The following AGRN variants were observed in gnomAD, a reference collection of about 807,000 sequenced individuals.
The protein encoded by AGRN is agrin proteoglycan.
AGRN carries 106 observed loss-of-function variants against 211.0 expected under a neutral mutation model. That is an observed-to-expected ratio of 0.50 (90% confidence interval 0.43 to 0.59). The LOEUF is 0.59. Ranked by LOEUF, AGRN falls within the 20% of genes least tolerant of loss-of-function variation. The pLI, the probability that AGRN is intolerant of heterozygous loss-of-function variation, is 0.00. For missense variants in AGRN, 3,040 were observed against 2,982.6 expected (o/e 1.02, Z -0.45); for synonymous variants, 1,525 against 1,332.5 (o/e 1.14, Z -3.15).
Position 1,046,187 on chromosome 1 carries a change from G to A in AGRN, c.2833G>A (p.Gly945Ser), listed in dbSNP as rs911274904. 3 of 1,613,686 alleles carry A rather than the reference G, an allele frequency of 1.9e-6. No individual in the cohort carries two copies. The highest frequency in any genetic ancestry group is 1.7e-6 in the Non-Finnish European group (2 of 1,180,002). ...KVCGSDGVTYGNECQLKTIAC... is the reference protein window; with the variant it reads ...KVCGSDGVTYSNECQLKTIAC... ...CTGTGGGTCAGATGGAGTCACATAC[G>A]GCAACGAGTGTCAGCTGAAGACCAT... is the stretch of plus-strand genomic sequence containing the variant. Residue 945 changes from glycine to serine, a missense_variant, in exon 17 of 36, where the codon GGC becomes AGC. Around this residue, in one of 3 missense-constraint regions of AGRN, gnomAD observed 1,498 missense variants for 1,457.8 expected, o/e 1.03. Transcript: ENST00000379370.
chr1:1,032,934 C>G lies in AGRN; in HGVS notation c.464-2343C>G. On this transcript the variant is annotated intron_variant, in intron 2 of 35. Coordinates refer to ENST00000379370, the MANE Select transcript of AGRN (RefSeq NM_198576.4). The surrounding 1 kb of genome is among the most constrained non-coding windows in gnomAD (Gnocchi z 4.7). ...CACACACCGGACCGGACGGGCCCCT[C>G]CCTTACCCCCGGATCCCCCGGCTGG... 6.6e-6 allele frequency among the ~76,000 whole-genome samples: 1 copy of G among 152,044 alleles called. No individual in the cohort carries two copies. Among genetic ancestry groups the G allele is most frequent in the East Asian group, 1.9e-4 (1 of 5,164 alleles).
At chr1:1,034,004 C>T (rs1644738200) in intron 2 of AGRN, 2 of 573,634 alleles carry the variant, frequency 3.5e-6, no homozygotes, top group African/African-American at 4.1e-5. Context: ...CTCACCTCCC[C>T]AGCCCCGCGG....
Position 1,032,337 on chromosome 1 carries a change from C to T in AGRN, c.464-2940C>T, listed in dbSNP as rs1433760622. On this transcript the variant is annotated intron_variant, in intron 2 of 35. Transcript: ENST00000379370. This position sits in a 1 kb window ranked among gnomAD's most constrained non-coding sequence, Gnocchi z 4.7. ...CTGGCTGTGGGGTGGAAAGGAGTCC[C>T]AAGAGAGGGAGCTGGCAAGACAGGA... Among the ~76,000 whole-genome samples, 1 of 152,090 alleles carries T rather than the reference C, an allele frequency of 6.6e-6. No individual in the cohort carries two copies. The highest frequency in any genetic ancestry group is 1.5e-5 in the Non-Finnish European group (1 of 68,014).
chr1:1,025,665 G>C (rs942201389), intron 2 of AGRN, among the ~76,000 whole-genome samples: 2 of 152,004 alleles, frequency 1.3e-5, no homozygotes, highest in African/African-American at 4.8e-5. Context: ...CCTCCCCCAG[G>C]CAGGTCTGGG....
chr1:1,034,045 C>T lies in AGRN; in HGVS notation c.464-1232C>T, dbSNP rs946747952. 8.0e-6 allele frequency: 7 copies of T among 874,900 alleles called. No individual in the cohort carries two copies. The South Asian group carries it at 3.1e-4, about 39-fold the overall frequency. The allele number at this position is 874,900 out of a possible 1,614,324, so 54.2% of individuals were successfully genotyped here. A position where few individuals can be genotyped will look rare whatever the true frequency, so the allele number is the denominator to read the frequency against. Reference sequence around the variant, plus strand: ...AGGGGAGCTGGAGGGAGCCCGGGACCCGGCGCGGCCTCCGCAGGCGGCGCT... The same window carrying T: ...AGGGGAGCTGGAGGGAGCCCGGGACTCGGCGCGGCCTCCGCAGGCGGCGCT... On this transcript the variant is annotated intron_variant, in intron 2 of 35. Transcript: ENST00000379370.
chr1:1,054,833 C>A lies in AGRN; in HGVS notation c.5990C>A (p.Pro1997Gln). The change falls in exon 36 of 36, where the codon CCG becomes CAG. Residue 1997 changes from proline (P) to glutamine (Q), a missense_variant. By Grantham distance (76) the Pro-to-Gln change is moderately conservative. Around this residue, in one of 3 missense-constraint regions of AGRN, gnomAD observed 1,537 missense variants for 1,505.0 expected, o/e 1.02. Coordinates refer to ENST00000379370, the MANE Select transcript of AGRN (RefSeq NM_198576.4). ...ACTGTCTGTGCTGCAGGGGGCCTGC[C>A]GGAGCTGCCCGTGGGCCCAGCACTG... ...TDGALWLGGL[P>Q]ELPVGPALPK... 1 of 1,557,850 alleles carries A rather than the reference C, an allele frequency of 6.4e-7. No individual in the cohort carries two copies. Among genetic ancestry groups the A allele is most frequent in the Non-Finnish European group, 8.7e-7 (1 of 1,153,116 alleles).
chr1:1,034,131 C>T, intron 2 of AGRN: 1 of 985,334 alleles, frequency 1.0e-6, no homozygotes, highest in Non-Finnish European at 1.2e-6. Context: ...CCGCTTCCGC[C>T]TCTGCCGGGG....
chr1:1,049,509 C>A (rs562648258), intron 25 of AGRN, 57 bp from the exon 26 acceptor site: 3 of 1,596,008 alleles, frequency 1.9e-6, no homozygotes, highest in Non-Finnish European at 1.7e-6. Flanking sequence ...TCCCGGTGTA[C>A]GAGGTGGCTT....
intron 1 of AGRN, among the ~76,000 whole-genome samples, chr1:1,021,736 G>A (rs1344646986): frequency 6.6e-6 from 1 of 152,238 alleles, no homozygotes; most frequent in Non-Finnish European, 1.5e-5. Flanking sequence ...GACTGTAGAA[G>A]CCCGAGGAAG....
Position 1,040,732 on chromosome 1 carries a change from G to A in AGRN, c.579G>A (p.Ala193=), listed in dbSNP as rs201301445. 5.8e-4 allele frequency: 904 copies of A among 1,545,884 alleles called. 7 individuals carry two copies. The African/African-American group carries it at 0.011, about 20-fold the overall frequency. Residue 193 remains alanine, a synonymous_variant, in exon 4 of 36, where the codon GCG becomes GCA. Coordinates refer to ENST00000379370, the MANE Select transcript of AGRN (RefSeq NM_198576.4). ...CCAACGCGGAGGGGCCGGGCCGGGC[G>A]TCCTGCGTCTGCAAGAAGAGCCCGT... ...CEPNAEGPGR[A]SCVCKKSPCP...
chr1:1,043,694 A>G lies in AGRN; in HGVS notation c.1760A>G (p.His587Arg). 1.9e-6 allele frequency: 3 copies of G among 1,600,714 alleles called. No homozygotes were observed. Among genetic ancestry groups the G allele is most frequent in the Non-Finnish European group, 2.5e-6 (3 of 1,179,760 alleles). Residue 587 changes from histidine (H) to arginine (R), a missense_variant, in exon 9 of 36, where the codon CAC (histidine) becomes CGC (arginine). Coordinates refer to ENST00000379370, the MANE Select transcript of AGRN (RefSeq NM_198576.4). ...ATGCTGCACGTGCACGCCTGCACAC[A>G]CCAGATCAGCCTGCACGTGGCCTCA... ...ECMLHVHACT[H>R]QISLHVASAG...
At chr1:1,029,629 A>ATATG (rs1491162381) in intron 2 of AGRN, among the ~76,000 whole-genome samples, 1 of 87,960 alleles carries the variant, frequency 1.1e-5, no homozygotes, top group African/African-American at 5.4e-5. Context: ...TGAGATCAGC[A>ATATG]TGTGTGTGTG....
At chr1:1,040,008 A>C (rs1360087186) in intron 3 of AGRN, among the ~76,000 whole-genome samples, 1 of 152,090 alleles carries the variant, frequency 6.6e-6, no homozygotes, top group Non-Finnish European at 1.5e-5. Context: ...AAGATTCCCC[A>C]CCCATCTTAG....
intron 3 of AGRN, among the ~76,000 whole-genome samples, chr1:1,037,331 C>A (rs756906981): frequency 6.6e-6 from 1 of 152,180 alleles, no homozygotes; most frequent in Non-Finnish European, 1.5e-5. Flanking sequence ...TTACACACTG[C>A]CCCCTTCACC....
At chr1:1,028,678 C>T (rs1644578858) in intron 2 of AGRN, among the ~76,000 whole-genome samples, 1 of 73,812 alleles carries the variant, frequency 1.4e-5, no homozygotes, top group East Asian at 3.5e-4. Flanking sequence ...CCCACAGCCA[C>T]GCCACCCTCT....
At position 1,041,466 on chromosome 1, in the gene AGRN, C is replaced by T. The variant is rs1557700947; in HGVS notation, c.953-12C>T. On this transcript the variant is annotated splice_polypyrimidine_tract_variant and intron_variant, in intron 5 of 35. Transcript: ENST00000379370. The stretch of plus-strand genomic sequence containing the variant: ...CGGCGACAGCGTCCTGACTCCTGCC[C>T]TCGACCCCCAGACCCCTGTCAGGGC... 1.3e-6 allele frequency: 2 copies of T among 1,584,436 alleles called. No individual in the cohort carries two copies. Among genetic ancestry groups the T allele is most frequent in the South Asian group, 1.1e-5 (1 of 89,096 alleles).
At position 1,045,244 on chromosome 1, in the gene AGRN, G is replaced by T. The variant is rs540467706; in HGVS notation, c.2338G>T (p.Ala780Ser). The change falls in exon 13 of 36, where the codon GCA (alanine) becomes TCA (serine). Residue 780 changes from alanine to serine, a missense_variant. Ala to Ser is a moderately conservative substitution (Grantham distance 99, BLOSUM62 1). This residue lies in a region of AGRN where 1,498 missense variants were observed against 1,457.8 expected (regional missense o/e 1.03). Coordinates refer to ENST00000379370, the MANE Select transcript of AGRN (RefSeq NM_198576.4). ...CGGCTGCTGCCAGGACAATATCACC[G>T]CAGCCCGGGGCGTGGGCCTGGCTGG... ...PYGCCQDNIT[A>S]ARGVGLAGCP... 6.2e-7 allele frequency: 1 copy of T among 1,611,592 alleles called. No individual in the cohort carries two copies. The highest frequency in any genetic ancestry group is 2.2e-5 in the East Asian group (1 of 44,814).
In AGRN at chr1:1,034,535, G is replaced by A. The variant is rs1644753839; in HGVS notation, c.464-742G>A. 4 of 986,054 alleles carry A rather than the reference G, an allele frequency of 4.1e-6. No homozygotes were observed. In the South Asian group the frequency reaches 1.9e-4, roughly 46 times the overall value. The allele number at this position is 986,054 out of a possible 1,614,324, so 61.1% of individuals were successfully genotyped here. A position where few individuals can be genotyped will look rare whatever the true frequency, so the allele number is the denominator to read the frequency against. On this transcript the variant is annotated intron_variant, in intron 2 of 35. Coordinates refer to ENST00000379370, the MANE Select transcript of AGRN (RefSeq NM_198576.4). ...AGCCCCCACGCTCTGAGAGTGGGGCGCAGAGCCGGAGCCCCGGGCCATGCC... is the reference window on the plus strand; with the variant it reads ...AGCCCCCACGCTCTGAGAGTGGGGCACAGAGCCGGAGCCCCGGGCCATGCC...
rs1243840367 is a variant in AGRN at position 1,020,193 on chromosome 1, G to T, written c.21G>T (p.Pro7=). 2.9e-6 allele frequency: 4 copies of T among 1,357,182 alleles called. No individual in the cohort carries two copies. The Admixed American group carries it at 1.0e-4, about 35-fold the overall frequency. The allele number at this position is 1,357,182 out of a possible 1,614,324, so 84.1% of individuals were successfully genotyped here. A position where few individuals can be genotyped will look rare whatever the true frequency, so the allele number is the denominator to read the frequency against. ...GCGCCATGGCCGGCCGGTCCCACCC[G>T]GGCCCGCTGCGGCCGCTGCTGCCGC... MAGRSH[P]GPLRPLLPLL... is the part of the protein sequence containing the mutation. The change falls in exon 1 of 36, where the codon CCG becomes CCT. Residue 7 remains proline, a synonymous_variant. Transcript: ENST00000379370.
Sources: allele counts gnomAD v4.1 joint callset (sites outside exome capture counted in the v4.1 genomes callset), GRCh38; gene constraint gnomAD v4.1.1; regional missense constraint gnomAD v4.1.1; non-coding constraint Gnocchi (gnomAD v3.1); transcripts MANE v1.5; gene names NCBI Gene and HGNC (gene_info 2026-07-23, HGNC 2026-07-21).